Variants in SLC2A14 observed in about 807,000 individuals in gnomAD.
SLC2A14 encodes solute carrier family 2, facilitated glucose transporter member 14.
Under a neutral mutation model 43.0 loss-of-function variants are expected in SLC2A14, and 13 were observed. The observed-to-expected ratio is 0.30, with a 90% CI of 0.20 to 0.48. SLC2A14 has a LOEUF of 0.48. Among genes scored for constraint, SLC2A14 ranks in the 20% least tolerant of loss-of-function variants. The pLI is 0.99. For missense variants in SLC2A14, 428 were observed against 620.4 expected (o/e 0.69, Z 3.29); for synonymous variants, 190 against 233.8 (o/e 0.81, Z 1.71).
intron 1 of SLC2A14, among the ~76,000 whole-genome samples, chr12:7,888,344 A>G (rs75808307): frequency 6.6e-6 from 1 of 152,112 alleles, no homozygotes; most frequent in South Asian, 2.1e-4. Context: ...AAGCATAATC[A>G]TTTTTTGACA....
intron 1 of SLC2A14, among the ~76,000 whole-genome samples, chr12:7,885,480 T>A (rs974988104): frequency 1.3e-5 from 2 of 151,968 alleles, no homozygotes; most frequent in Non-Finnish European, 2.9e-5. Flanking sequence ...AAAAAAGTTC[T>A]TGTAACTCTC....
intron 2 of SLC2A14, among the ~76,000 whole-genome samples, chr12:7,850,108 A>G (rs1866805916): frequency 6.6e-6 from 1 of 151,686 alleles, no homozygotes; most frequent in Non-Finnish European, 1.5e-5. Flanking sequence ...TGAAGTTGGT[A>G]TTTGGAAGGG....
intron 2 of SLC2A14, among the ~76,000 whole-genome samples, chr12:7,861,942 A>G (rs1177404437): frequency 6.9e-6 from 1 of 145,912 alleles, no homozygotes; most frequent in East Asian, 2.0e-4. Flanking sequence ...AGCCTGGGCG[A>G]CAGAGCGAGA....
At position 7,870,940 on chromosome 12, in the gene SLC2A14, G is replaced by T. The variant is rs1945193077; in HGVS notation, c.-57-1003C>A. The T allele has an allele frequency of 4.2e-6, 6 of 1,428,052 alleles. No homozygotes were observed. In the Admixed American group the frequency reaches 1.1e-4, roughly 26 times the overall value. The allele number at this position is 1,428,052 out of a possible 1,614,324, so 88.5% of individuals were successfully genotyped here. On this transcript the variant is annotated intron_variant, in intron 1 of 10. Coordinates refer to ENST00000431042, the MANE Select transcript of SLC2A14 (RefSeq NM_001286234.2). Reference sequence around the variant, plus strand: ...CCAATGTCTTCGTGATGTTCGACCAGTTCCACATCCAGGAGTTTAAGGAGG... The same window carrying T: ...CCAATGTCTTCGTGATGTTCGACCATTTCCACATCCAGGAGTTTAAGGAGG...
intron 2 of SLC2A14, chr12:7,850,813 C>A (rs1866874768): frequency 6.6e-6 from 1 of 152,208 alleles, no homozygotes; most frequent in Admixed American, 6.6e-5. Context: ...TGCATTTAGA[C>A]CAGCTATGAA....
intron 1 of SLC2A14, among the ~76,000 whole-genome samples, chr12:7,879,316 A>AC (rs1555149770): frequency 0.021 from 2,298 of 110,020 alleles, 41 homozygotes; most frequent in East Asian, 0.043. Flanking sequence ...TCTGCAAAAA[A>AC]AAACAAACAA....
Position 7,812,581 on chromosome 12 carries a change from GA to G in SLC2A14, c.*1734del, listed in dbSNP as rs1429961647. 1 of 152,162 alleles carries G rather than the reference GA, an allele frequency of 6.6e-6. No homozygotes were observed. The highest frequency in any genetic ancestry group is 1.5e-5 in the Non-Finnish European group (1 of 68,038). 9.4% of individuals were successfully genotyped at this position (152,162 alleles called of 1,614,324 possible). A position where few individuals can be genotyped will look rare whatever the true frequency, so the allele number is the denominator to read the frequency against. ...CAAACAATAATGGAAAATCCATATG[GA>G]AATATTCACAATCTTCTCAGTGAGA... On this transcript the variant is annotated 3_prime_UTR_variant, in exon 11 of 11. Coordinates refer to ENST00000431042, the MANE Select transcript of SLC2A14 (RefSeq NM_001286234.2).
chr12:7,874,710 A>G (rs1945383724), upstream of SLC2A14, among the ~76,000 whole-genome samples: 1 of 140,928 alleles, frequency 7.1e-6, no homozygotes, highest in African/African-American at 2.6e-5. Context: ...ATATATAAAT[A>G]TGTATATAAA....
chr12:7,815,303 C>T (rs979865619), intron 10 of SLC2A14, among the ~76,000 whole-genome samples: 5 of 151,870 alleles, frequency 3.3e-5, no homozygotes, highest in African/African-American at 1.2e-4. Flanking sequence ...GTAATCCTAG[C>T]TACTCAGGAG....
At chr12:7,842,214 G>C (rs1866012745) in intron 2 of SLC2A14, among the ~76,000 whole-genome samples, 1 of 152,082 alleles carries the variant, frequency 6.6e-6, no homozygotes, top group African/African-American at 2.4e-5. Context: ...TCTTTTCGTG[G>C]CTCATTTCTT....
intron 2 of SLC2A14, among the ~76,000 whole-genome samples, chr12:7,854,798 T>A (rs764311287): frequency 1.3e-5 from 2 of 151,912 alleles, no homozygotes; most frequent in Admixed American, 6.6e-5. Context: ...ATTACAGGCA[T>A]CTCACTTTAT....
chr12:7,888,752 C>A (rs1227381294), intron 1 of SLC2A14, among the ~76,000 whole-genome samples: 2 of 138,206 alleles, frequency 1.4e-5, no homozygotes, highest in Non-Finnish European at 3.0e-5. Context: ...GAGCTGAGAT[C>A]GTGCCACTGC....
chr12:7,849,880 G>A (rs1188031302), intron 2 of SLC2A14, among the ~76,000 whole-genome samples: 2 of 150,480 alleles, frequency 1.3e-5, no homozygotes, highest in Admixed American at 6.6e-5. Context: ...ACTCCAGCCT[G>A]GGTGACAGAG....
intron 10 of SLC2A14, among the ~76,000 whole-genome samples, chr12:7,817,276 C>T (rs894449011): frequency 5.9e-5 from 9 of 151,966 alleles, no homozygotes; most frequent in South Asian, 2.1e-4. Context: ...CCACCATGCC[C>T]GGCTAATTTT....
At chr12:7,880,843 A>C (rs1372867484) in intron 1 of SLC2A14, among the ~76,000 whole-genome samples, 1 of 151,882 alleles carries the variant, frequency 6.6e-6, no homozygotes, top group Non-Finnish European at 1.5e-5. Context: ...TGTCTCTACT[A>C]AAAATACAAA....
chr12:7,849,228 C>A (rs763583272), intron 2 of SLC2A14, among the ~76,000 whole-genome samples: 45 of 151,898 alleles, frequency 3.0e-4, no homozygotes, highest in African/African-American at 1.1e-3. Context: ...ATACATTGGG[C>A]GTGGTGGCTC....
At chr12:7,877,618 G>A (rs758960681), upstream of SLC2A14, among the ~76,000 whole-genome samples, 1 of 149,028 alleles carries the variant, frequency 6.7e-6, no homozygotes, top group East Asian at 2.1e-4. Flanking sequence ...TAGAGGTGGA[G>A]TTCACCACGT....
At chr12:7,864,022 TA>T (rs201081207) in intron 2 of SLC2A14, among the ~76,000 whole-genome samples, 1 of 151,540 alleles carries the variant, frequency 6.6e-6, no homozygotes, top group African/African-American at 2.4e-5. Context: ...TTCACTGTGG[TA>T]GCCAGGATGG....
intron 2 of SLC2A14, among the ~76,000 whole-genome samples, chr12:7,867,963 A>C (rs1008564514): frequency 6.6e-6 from 1 of 151,488 alleles, no homozygotes; most frequent in African/African-American, 2.4e-5. Flanking sequence ...TTAGTTAATA[A>C]AGCAGTAACA....
Sources: gnomAD v4.1 joint callset for allele counts (sites outside exome capture counted in the v4.1 genomes callset) on GRCh38, gnomAD v4.1.1 for gene constraint, MANE v1.5 for transcripts, NCBI Gene and HGNC (gene_info 2026-07-23, HGNC 2026-07-21) for gene names.